SLC44A5: variants seen among roughly 807,000 people sequenced by gnomAD.
The protein encoded by SLC44A5 is choline transporter-like protein 5.
In SLC44A5, 57 loss-of-function variants were observed where a neutral mutation model predicts 101.8. That is an observed-to-expected ratio of 0.56 (90% CI 0.45 to 0.70). The LOEUF (loss-of-function observed/expected upper bound fraction) is 0.70. SLC44A5 is among the 30% of genes least tolerant of loss of function. The probability of loss-of-function intolerance (pLI) is 0.00; values close to 1 mark genes in which losing one functional copy is unlikely to be tolerated. For synonymous variants in SLC44A5, 281 were observed against 290.9 expected, an observed-to-expected ratio of 0.97 and a Z score of 0.35; for missense variants, 737 against 853.1, an observed-to-expected ratio of 0.86 and a Z score of 1.70.
At chr1:75,529,851 C>T (rs1415213860) in intron 2 of SLC44A5, among the ~76,000 whole-genome samples, 2 of 152,100 alleles carry the variant, frequency 1.3e-5, no homozygotes, top group Non-Finnish European at 2.9e-5. Flanking sequence ...AACTTCATTC[C>T]CTCCTTTTCA....
the SLC44A5 span, among the ~76,000 whole-genome samples, chr1:75,637,231 T>G: frequency 6.6e-6 from 1 of 152,022 alleles, no homozygotes; most frequent in South Asian, 2.1e-4. Context: ...TGCAGCACTA[T>G]TCACAGTAGC....
intron 3 of SLC44A5, among the ~76,000 whole-genome samples, chr1:75,376,209 G>C (rs1048683208): frequency 6.6e-6 from 1 of 152,240 alleles, no homozygotes; most frequent in Non-Finnish European, 1.5e-5. Flanking sequence ...CTCGCTGATT[G>C]CTAGCACAGC....
At chr1:75,564,844 G>A (rs890366248) in intron 1 of SLC44A5, among the ~76,000 whole-genome samples, 3 of 152,026 alleles carry the variant, frequency 2.0e-5, no homozygotes, top group African/African-American at 7.2e-5. Flanking sequence ...GGATGGTCTC[G>A]ATCTCCTGAC....
At chr1:75,636,525 T>C in the SLC44A5 span, among the ~76,000 whole-genome samples, 1 of 152,096 alleles carries the variant, frequency 6.6e-6, no homozygotes, top group Non-Finnish European at 1.5e-5. Flanking sequence ...ATAATACTAC[T>C]TCCTTTCTGT....
chr1:75,246,575 GT>G (rs1327778598), intron 7 of SLC44A5, among the ~76,000 whole-genome samples: 1 of 151,992 alleles, frequency 6.6e-6, no homozygotes, highest in Non-Finnish European at 1.5e-5. Context: ...TAAGTAAAAT[GT>G]TTGTCATAAG....
At chr1:75,663,870 G>T in the SLC44A5 span, among the ~76,000 whole-genome samples, 3 of 152,054 alleles carry the variant, frequency 2.0e-5, no homozygotes, top group Non-Finnish European at 4.4e-5. Context: ...GAAAACTACT[G>T]GCCAATATCC....
At chr1:75,537,603 C>T (rs1282609225) in intron 2 of SLC44A5, among the ~76,000 whole-genome samples, 1 of 152,180 alleles carries the variant, frequency 6.6e-6, no homozygotes, top group African/African-American at 2.4e-5. Context: ...TGTCCATCTG[C>T]CCATCATCAA....
chr1:75,312,001 G>C (rs1655340305), intron 4 of SLC44A5, among the ~76,000 whole-genome samples: 1 of 152,138 alleles, frequency 6.6e-6, no homozygotes, highest in Non-Finnish European at 1.5e-5. Flanking sequence ...TTGAATTGTA[G>C]TTCCCACAAT....
At chr1:75,701,615 C>T in the SLC44A5 span, among the ~76,000 whole-genome samples, 1 of 152,180 alleles carries the variant, frequency 6.6e-6, no homozygotes, top group Non-Finnish European at 1.5e-5. Context: ...GATGTCCTCT[C>T]TCACCACTCC....
intron 4 of SLC44A5, among the ~76,000 whole-genome samples, chr1:75,308,288 T>C (rs10493569): frequency 6.6e-6 from 1 of 152,130 alleles, no homozygotes; most frequent in African/African-American, 2.4e-5. Context: ...TTCTGATTAG[T>C]CTTCTATTCT....
chr1:75,238,084 C>T (rs1397711607), intron 10 of SLC44A5, among the ~76,000 whole-genome samples: 1 of 151,762 alleles, frequency 6.6e-6, no homozygotes, highest in East Asian at 1.9e-4. Context: ...CTTTATGTCA[C>T]ACTTCTATAC....
At chr1:75,565,993 GA>G (rs1457145379) in intron 1 of SLC44A5, among the ~76,000 whole-genome samples, 1 of 152,080 alleles carries the variant, frequency 6.6e-6, no homozygotes, top group Non-Finnish European at 1.5e-5. Context: ...AAAGAAAAAG[GA>G]AAACACTGCT....
intron 4 of SLC44A5, among the ~76,000 whole-genome samples, chr1:75,321,056 T>G (rs1030049398): frequency 1.3e-5 from 2 of 152,166 alleles, no homozygotes; most frequent in Non-Finnish European, 2.9e-5. Context: ...CACTTTAGTA[T>G]CATAATATTA....
the SLC44A5 span, among the ~76,000 whole-genome samples, chr1:75,676,647 T>C: frequency 1.3e-5 from 2 of 152,168 alleles, no homozygotes; most frequent in Non-Finnish European, 2.9e-5. Flanking sequence ...ATGGTACACA[T>C]TTACTTAGGT....
intron 2 of SLC44A5, among the ~76,000 whole-genome samples, chr1:75,538,719 C>T (rs1379429000): frequency 6.6e-6 from 1 of 152,214 alleles, no homozygotes; most frequent in Non-Finnish European, 1.5e-5. Context: ...GGCTTTGTTA[C>T]TAGCACACTA....
At chr1:75,458,753 T>C (rs1481123210) in intron 2 of SLC44A5, among the ~76,000 whole-genome samples, 2 of 152,202 alleles carry the variant, frequency 1.3e-5, no homozygotes, top group African/African-American at 4.8e-5. Context: ...TTTATTAATA[T>C]TAGTCTATAA....
intron 2 of SLC44A5, among the ~76,000 whole-genome samples, chr1:75,473,620 T>C (rs1485658399): frequency 1.3e-5 from 2 of 152,216 alleles, no homozygotes; most frequent in African/African-American, 2.4e-5. Context: ...ATTTCTATGT[T>C]TAATTTCAAG....
Position 75,203,595 on chromosome 1 carries a change from C to T in SLC44A5, c.*132G>A. 1 of 1,084,730 alleles carries T rather than the reference C, an allele frequency of 9.2e-7. No individual in the cohort carries two copies. The highest frequency in any genetic ancestry group is 1.3e-6 in the Non-Finnish European group (1 of 785,946). 67.2% of individuals were successfully genotyped at this position (1,084,730 alleles called of 1,614,324 possible). ...GTACAGTATAAGCTTTGGTATAAAACATGCAAATGCAAGCCAACAAGGTCG... is the reference window on the plus strand; with the variant it reads ...GTACAGTATAAGCTTTGGTATAAAATATGCAAATGCAAGCCAACAAGGTCG... On this transcript the variant is annotated 3_prime_UTR_variant, in exon 24 of 24. Coordinates refer to ENST00000370859, the MANE Select transcript of SLC44A5 (RefSeq NM_001130058.2).
At chr1:75,698,592 G>C in the SLC44A5 span, among the ~76,000 whole-genome samples, 4 of 152,234 alleles carry the variant, frequency 2.6e-5, no homozygotes, top group Admixed American at 1.3e-4. Flanking sequence ...AAAAAGCAGA[G>C]CGTCTCTCCT....
Sources: allele counts gnomAD v4.1 joint callset (sites outside exome capture counted in the v4.1 genomes callset), GRCh38; gene constraint gnomAD v4.1.1; transcripts MANE v1.5; gene names NCBI Gene and HGNC (gene_info 2026-07-23, HGNC 2026-07-21).